The following AHCTF1 variants were observed in gnomAD, a reference collection of about 807,000 sequenced individuals.
AHCTF1 encodes AT-hook containing transcription factor 1, also known as protein ELYS.
In AHCTF1, 24 loss-of-function variants were observed where a neutral mutation model predicts 248.4. The ratio of observed to expected loss-of-function variants is 0.10; its 90% CI spans 0.07 to 0.14. The LOEUF (loss-of-function observed/expected upper bound fraction) is 0.14. Among genes scored for constraint, AHCTF1 ranks in the 10% least tolerant of loss-of-function variants. The pLI is 1.00. For missense variants in AHCTF1, 2,206 were observed against 2,636.2 expected, an observed-to-expected ratio of 0.84 and a Z score of 3.57; for synonymous variants, 786 against 929.8, an observed-to-expected ratio of 0.85 and a Z score of 2.81.
rs1664900223 is a variant in AHCTF1 at position 246,900,252 on chromosome 1, A to G, written c.1251-6T>C. ...TATGTAGATATTCTCCTGACCTAAA[A>G]GAAAATTTAAAACATTACTAAGTCA... On this transcript the variant is annotated splice_polypyrimidine_tract_variant and splice_region_variant and intron_variant, in intron 9 of 35. Transcript: ENST00000648844. 6.3e-7 allele frequency: 1 copy of G among 1,585,894 alleles called. No individual in the cohort carries two copies.
At chr1:246,877,375 T>C (rs1172842310) in intron 21 of AHCTF1, 73 bp from the exon 22 acceptor site, 1 of 1,437,310 alleles carries the variant, frequency 7.0e-7, no homozygotes, top group Non-Finnish European at 9.3e-7. Flanking sequence ...AATCTACATG[T>C]AGAATTTCAA....
chr1:246,928,302 C>CAAAA (rs35687457), intron 1 of AHCTF1, among the ~76,000 whole-genome samples: 1 of 94,226 alleles, frequency 1.1e-5, no homozygotes, highest in Non-Finnish European at 2.2e-5. Flanking sequence ...GACTCCGTCT[C>CAAAA]AAAAAAAAAA....
intron 1 of AHCTF1, among the ~76,000 whole-genome samples, chr1:246,924,749 CAT>C (rs919534003): frequency 5.3e-5 from 8 of 152,218 alleles, no homozygotes; most frequent in Non-Finnish European, 1.2e-4. Context: ...AACTTAATCA[CAT>C]ATGTCACCAT....
intron 12 of AHCTF1, among the ~76,000 whole-genome samples, chr1:246,897,748 A>C (rs1158389224): frequency 1.3e-5 from 2 of 152,122 alleles, no homozygotes; most frequent in Non-Finnish European, 2.9e-5. Flanking sequence ...TGGGATGCCA[A>C]GGTGGGAGGG....
At chr1:246,926,037 C>A (rs1225498886) in intron 1 of AHCTF1, among the ~76,000 whole-genome samples, 2 of 141,272 alleles carry the variant, frequency 1.4e-5, no homozygotes, top group African/African-American at 2.6e-5. Flanking sequence ...GACAGTGAGA[C>A]CCTGTCTTTA....
Position 246,857,802 on chromosome 1 carries a change from T to C in AHCTF1, c.4145A>G (p.Asp1382Gly). 1 of 1,611,222 alleles carries C rather than the reference T, an allele frequency of 6.2e-7. No homozygotes were observed. The highest frequency in any genetic ancestry group is 8.5e-7 in the Non-Finnish European group (1 of 1,177,844). Residue 1382 changes from aspartate to glycine, a missense_variant, in exon 30 of 36, where the codon GAT (aspartate) becomes GGT (glycine). Transcript: ENST00000648844. ...AACTAAGAGATCCTTTGTTTCTGCA[T>C]CTTCTAAATTGCCTATAAGTCATAC... Reference protein sequence around the residue: ...DLQKQMGNLEDAETKDLLVAA... With the variant: ...DLQKQMGNLEGAETKDLLVAA...
Position 246,860,946 on chromosome 1 carries a change from T to A in AHCTF1, c.4085A>T (p.Asp1362Val). Reference sequence around the variant, plus strand: ...AGGAGTTACTTCTGATGCAAATACATCTTTATCTCCATCCTTTTCAGTTTG... The same window carrying A: ...AGGAGTTACTTCTGATGCAAATACAACTTTATCTCCATCCTTTTCAGTTTG... ...TEQTEKDGDK[D>V]VFASEVTPSD... is the part of the protein sequence containing the mutation. The change falls in exon 29 of 36, where the codon GAT becomes GTT. Residue 1362 changes from aspartate to valine, a missense_variant. By Grantham distance (152) the Asp-to-Val change is radical. This residue lies in a region of AHCTF1 where 955 missense variants were observed against 1,055.6 expected (regional missense o/e 0.90). Transcript: ENST00000648844. The A allele has an allele frequency of 5.0e-6, 8 of 1,613,462 alleles. No homozygotes were observed. The highest frequency in any genetic ancestry group is 6.8e-6 in the Non-Finnish European group (8 of 1,179,402).
At chr1:246,852,746 C>A (rs1572364342) in intron 32 of AHCTF1, among the ~76,000 whole-genome samples, 1 of 151,930 alleles carries the variant, frequency 6.6e-6, no homozygotes, top group African/African-American at 2.4e-5. Flanking sequence ...TTCATGAAAA[C>A]CAGTTTATTT....
intron 31 of AHCTF1, among the ~76,000 whole-genome samples, chr1:246,853,881 C>T (rs1469730717): frequency 6.6e-6 from 1 of 151,548 alleles, no homozygotes; most frequent in Non-Finnish European, 1.5e-5. Context: ...CATGTGGATA[C>T]TAATAAAACA....
At chr1:246,904,155 A>G in intron 6 of AHCTF1, 122 bp from the exon 7 acceptor site, 1 of 727,992 alleles carries the variant, frequency 1.4e-6, no homozygotes, top group Middle Eastern at 3.3e-4. Flanking sequence ...AATCACTGTG[A>G]AAAATTTAGT....
intron 1 of AHCTF1, among the ~76,000 whole-genome samples, chr1:246,927,805 C>G (rs558420011): frequency 5.9e-5 from 9 of 152,238 alleles, no homozygotes; most frequent in African/African-American, 2.2e-4. Context: ...GAGACCCAGA[C>G]CATCCTGGCC....
chr1:246,908,323 C>CAAAA (rs34997839), intron 4 of AHCTF1, among the ~76,000 whole-genome samples: 1 of 101,570 alleles, frequency 9.8e-6, no homozygotes. Context: ...CACAGGGATA[C>CAAAA]AAAAAAAAAA....
intron 21 of AHCTF1, among the ~76,000 whole-genome samples, chr1:246,884,313 T>A (rs1663658705): frequency 6.9e-6 from 1 of 145,366 alleles, no homozygotes. Flanking sequence ...GTCTAATCAA[T>A]CTATTATTAA....
rs1558218429 is a variant in AHCTF1 at position 246,857,682 on chromosome 1, T to A, written c.4256+9A>T. 1.3e-6 allele frequency: 2 copies of A among 1,595,454 alleles called. No individual in the cohort carries two copies. The highest frequency in any genetic ancestry group is 1.7e-6 in the Non-Finnish European group (2 of 1,174,150). ...CTAAAAGTATTTGAATTTCTCTCCA[T>A]TAACTTACCCTTCATAGACTGATGG... is the stretch of plus-strand genomic sequence containing the variant. On this transcript the variant is annotated intron_variant, in intron 30 of 35. Coordinates refer to ENST00000648844, the MANE Select transcript of AHCTF1 (RefSeq NM_001323342.2).
intron 1 of AHCTF1, among the ~76,000 whole-genome samples, chr1:246,927,165 G>C (rs1369446324): frequency 6.7e-5 from 10 of 149,278 alleles, no homozygotes; most frequent in East Asian, 2.0e-4. Context: ...GCGACAGAGC[G>C]AGACTCTGTC....
At chr1:246,844,438 G>C (rs1326605161) in intron 33 of AHCTF1, among the ~76,000 whole-genome samples, 1 of 152,206 alleles carries the variant, frequency 6.6e-6, no homozygotes, top group Non-Finnish European at 1.5e-5. Flanking sequence ...AAAGGAGAAA[G>C]TGCCAGGTGC....
At chr1:246,882,763 C>T (rs893652823) in intron 21 of AHCTF1, among the ~76,000 whole-genome samples, 11 of 152,150 alleles carry the variant, frequency 7.2e-5, no homozygotes, top group African/African-American at 2.4e-4. Context: ...TGTTGCTGTA[C>T]GGTGCATCAT....
chr1:246,903,046 A>G (rs760232052), intron 7 of AHCTF1, among the ~76,000 whole-genome samples: 2 of 152,234 alleles, frequency 1.3e-5, no homozygotes, highest in Non-Finnish European at 2.9e-5. Context: ...TTAGACTTTT[A>G]GCTTATTGAT....
chr1:246,923,221 CCTGA>C (rs969115806), intron 1 of AHCTF1, among the ~76,000 whole-genome samples: 5 of 151,446 alleles, frequency 3.3e-5, no homozygotes, highest in Non-Finnish European at 5.9e-5. Flanking sequence ...TTGAGACCAG[CCTGA>C]CTAACATGAT....
Sources: allele counts gnomAD v4.1 joint callset (sites outside exome capture counted in the v4.1 genomes callset), GRCh38; gene constraint gnomAD v4.1.1; regional missense constraint gnomAD v4.1.1; transcripts MANE v1.5; gene names NCBI Gene and HGNC (gene_info 2026-07-23, HGNC 2026-07-21).